KLHL5: variants seen among roughly 807,000 people sequenced by gnomAD.
KLHL5 encodes kelch like family member 5, also known as kelch-like protein 5.
KLHL5 carries 48 observed loss-of-function variants against 77.7 expected under a neutral mutation model. The ratio of observed to expected loss-of-function variants is 0.62; its 90% CI spans 0.49 to 0.79. KLHL5 has a LOEUF of 0.79. KLHL5 is among the 30% of genes least tolerant of loss of function. The pLI, the probability that KLHL5 is intolerant of heterozygous loss-of-function variation, is 0.00. For synonymous variants in KLHL5, 260 were observed against 297.0 expected (o/e 0.88, Z 1.28); for missense variants, 723 against 859.7 (o/e 0.84, Z 1.99).
chr4:39,115,636 G>A lies in KLHL5; in HGVS notation c.2073+306G>A, dbSNP rs1722781603. On this transcript the variant is annotated intron_variant, in intron 10 of 10. Transcript: ENST00000504108. ...CTACTGGAGGGCTGCAACAATGGGAGGGGAGACTGGAAAATAAAAACAAGG... is the reference window on the plus strand; with the variant it reads ...CTACTGGAGGGCTGCAACAATGGGAAGGGAGACTGGAAAATAAAAACAAGG... 2.2e-5 allele frequency: 30 copies of A among 1,348,652 alleles called. No individual in the cohort carries two copies. In the South Asian group the frequency reaches 5.1e-4, roughly 23 times the overall value. The allele number at this position is 1,348,652 out of a possible 1,614,324, so 83.5% of individuals were successfully genotyped here.
In KLHL5 at chr4:39,069,467, T is replaced by C. The variant is rs1388213098; in HGVS notation, c.383+6432T>C. On this transcript the variant is annotated intron_variant, in intron 1 of 10. Transcript: ENST00000504108. ...ATATATATATATATATATATATATA[T>C]ATATATACACACACACACACACACA... Among the ~76,000 whole-genome samples, 192 of 63,516 alleles carry C rather than the reference T, an allele frequency of 3.0e-3. 2 individuals are homozygous for C. Among genetic ancestry groups the C allele is most frequent in the African/African-American group, 8.9e-3 (179 of 20,016 alleles). The allele number at this position is 63,516 out of a possible 152,430, so 41.7% of individuals were successfully genotyped here.
At chr4:39,114,242 T>C (rs1405117964) in intron 9 of KLHL5, among the ~76,000 whole-genome samples, 1 of 152,210 alleles carries the variant, frequency 6.6e-6, no homozygotes, top group Non-Finnish European at 1.5e-5. Context: ...TGGCAGGTTC[T>C]GGTGAGGGCC....
Position 39,122,810 on chromosome 4 carries a change from C to CAAAAAAAAATAAAT in KLHL5, c.*1754_*1767dup, listed in dbSNP as rs1553896226. 8.4e-4 allele frequency among the ~76,000 whole-genome samples: 123 copies of CAAAAAAAAATAAAT among 146,038 alleles called. No individual in the cohort carries two copies. The highest frequency in any genetic ancestry group is 2.9e-3 in the African/African-American group (115 of 39,650). On this transcript the variant is annotated 3_prime_UTR_variant, in exon 11 of 11. Coordinates refer to ENST00000504108, the MANE Select transcript of KLHL5 (RefSeq NM_015990.5). The stretch of plus-strand genomic sequence containing the variant: ...CCTGGGTGACAGAGCGAGACTCCAT[C>CAAAAAAAAATAAAT]AAAAAAAAATAAATAAAAAAAAAAT...
At position 39,103,477 on chromosome 4, in the gene KLHL5, G is replaced by A; in HGVS notation, c.1491G>A (p.Val497=). 5.6e-6 allele frequency: 9 copies of A among 1,614,174 alleles called. No homozygotes were observed. Among genetic ancestry groups the A allele is most frequent in the Non-Finnish European group, 7.6e-6 (9 of 1,180,000 alleles). The change falls in exon 7 of 11, where the codon GTG becomes GTA. Residue 497 remains valine, a synonymous_variant. Coordinates refer to ENST00000504108, the MANE Select transcript of KLHL5 (RefSeq NM_015990.5). ...CYNPKTKTWS[V]MPPMSTHRHG... ...ACCCCAAAACAAAAACTTGGAGTGT[G>A]ATGCCACCTATGTCCACACATAGAC...
rs751575651 is a variant in KLHL5, at chr4:39,113,261, CA to C, written c.1901+35del. 1.1e-5 allele frequency: 17 copies of C among 1,539,034 alleles called. 1 individual carries two copies. The South Asian group carries it at 1.7e-4, about 16-fold the overall frequency. ...ATTTCCTGGGAAGAAAAACTAGGAA[CA>C]AAAAAGATATATATAAGTCTCTGAT... On this transcript the variant is annotated intron_variant, in intron 9 of 10. Transcript: ENST00000504108.
At chr4:39,114,190 C>G (rs1262867326) in intron 9 of KLHL5, among the ~76,000 whole-genome samples, 1 of 152,166 alleles carries the variant, frequency 6.6e-6, no homozygotes, top group Non-Finnish European at 1.5e-5. Context: ...ATTTAGCCCA[C>G]AGTTCTCCAG....
intron 6 of KLHL5, among the ~76,000 whole-genome samples, chr4:39,097,110 A>C (rs1182713839): frequency 6.6e-6 from 1 of 152,236 alleles, no homozygotes; most frequent in Non-Finnish European, 1.5e-5. Flanking sequence ...ACTACTGTAC[A>C]AATCTGGGAT....
At chr4:39,102,987 T>A (rs552202337) in intron 6 of KLHL5, among the ~76,000 whole-genome samples, 1 of 152,304 alleles carries the variant, frequency 6.6e-6, no homozygotes, top group East Asian at 1.9e-4. Flanking sequence ...TTGGCTTCCA[T>A]GACACTTAAC....
At chr4:39,061,300 A>G (rs1482412003), upstream of KLHL5, among the ~76,000 whole-genome samples, 1 of 152,160 alleles carries the variant, frequency 6.6e-6, no homozygotes, top group Non-Finnish European at 1.5e-5. Context: ...TTTTTTGGTC[A>G]GCTTAGATAG....
chr4:39,105,636 A>G (rs4974933), intron 7 of KLHL5, among the ~76,000 whole-genome samples: 75,923 of 150,702 alleles, frequency 0.5, 19,352 homozygotes, highest in Admixed American at 0.57. Context: ...GTGTATTTAT[A>G]TGTTTATATA....
chr4:39,113,254 C>T (rs1159644325), intron 9 of KLHL5, 22 bp downstream of exon 9: 1 of 1,579,846 alleles, frequency 6.3e-7, no homozygotes, highest in South Asian at 1.1e-5. Flanking sequence ...GGAAGAAAAA[C>T]TAGGAACAAA....
downstream of KLHL5, among the ~76,000 whole-genome samples, chr4:39,129,243 C>T (rs1723706229): frequency 6.8e-6 from 1 of 147,568 alleles, no homozygotes; most frequent in Admixed American, 6.8e-5. The surrounding 1 kb of genome is among the most constrained non-coding windows in gnomAD (Gnocchi z 4.2). Context: ...AGTGCAGTGG[C>T]ATTGCCCAGG....
At chr4:39,098,585 A>G (rs1373309627) in intron 6 of KLHL5, among the ~76,000 whole-genome samples, 8 of 150,862 alleles carry the variant, frequency 5.3e-5, no homozygotes, top group Admixed American at 5.3e-4. Context: ...TTTTTTTGAG[A>G]TGGAGTCTCG....
intron 1 of KLHL5, among the ~76,000 whole-genome samples, chr4:39,050,903 C>T (rs1716589727): frequency 6.6e-6 from 1 of 152,240 alleles, no homozygotes; most frequent in Non-Finnish European, 1.5e-5. Flanking sequence ...CAAATGCCAT[C>T]TCCATTGTAA....
At chr4:39,114,761 C>T (rs1722715301) in intron 9 of KLHL5, among the ~76,000 whole-genome samples, 2 of 152,152 alleles carry the variant, frequency 1.3e-5, no homozygotes, top group Admixed American at 6.6e-5. Flanking sequence ...CTGCTCTTAG[C>T]TATACAACTT....
intron 1 of KLHL5, among the ~76,000 whole-genome samples, chr4:39,050,459 A>G (rs1716554934): frequency 6.6e-6 from 1 of 152,092 alleles, no homozygotes; most frequent in South Asian, 2.1e-4. Flanking sequence ...AGTCTATATG[A>G]TTTCTTGCTA....
intron 5 of KLHL5, 143 bp from the exon 6 acceptor site, chr4:39,096,549 T>C: frequency 1.7e-6 from 1 of 589,170 alleles, no homozygotes; most frequent in Non-Finnish European, 3.0e-6. Context: ...CTTGTAAATG[T>C]TGCATATTTT....
rs868089495 is a variant in KLHL5 at position 39,081,795 on chromosome 4, T to C, written c.704-168T>C. ...AGTAGATGTCTCAAGGAGCTAATAA[T>C]TTTTTCCCCATTTAGTCCTTCTTTT... is the stretch of plus-strand genomic sequence containing the variant. On this transcript the variant is annotated intron_variant, in intron 3 of 10. Transcript: ENST00000504108. The surrounding 1 kb of genome is among the most constrained non-coding windows in gnomAD (Gnocchi z 4.3). Among the ~76,000 whole-genome samples the C allele has an allele frequency of 4.6e-5, 7 of 152,174 alleles. No homozygotes were observed. Among genetic ancestry groups the C allele is most frequent in the African/African-American group, 1.7e-4 (7 of 41,444 alleles).
intron 1 of KLHL5, among the ~76,000 whole-genome samples, chr4:39,051,408 T>C (rs1716634992): frequency 6.6e-6 from 1 of 151,848 alleles, no homozygotes; most frequent in African/African-American, 2.4e-5. Flanking sequence ...AAAAGCTGTG[T>C]ATGAGATTAG....
Sources: gnomAD v4.1 joint callset for allele counts (sites outside exome capture counted in the v4.1 genomes callset) on GRCh38, gnomAD v4.1.1 for gene constraint, Gnocchi (gnomAD v3.1) non-coding constraint, MANE v1.5 for transcripts, NCBI Gene and HGNC (gene_info 2026-07-23, HGNC 2026-07-21) for gene names.